The following TANC2 variants were observed in gnomAD, a reference collection of about 807,000 sequenced individuals.
TANC2 encodes tetratricopeptide repeat, ankyrin repeat and coiled-coil containing 2.
A neutral mutation model predicts 210.5 loss-of-function variants in TANC2; 26 were observed. The ratio of observed to expected loss-of-function variants is 0.12; its 90% CI spans 0.09 to 0.17. The LOEUF (loss-of-function observed/expected upper bound fraction) is 0.17. Ranked by LOEUF, TANC2 falls within the 10% of genes least tolerant of loss-of-function variation. The pLI is 1.00. For missense variants in TANC2, 2,129 were observed against 2,608.9 expected (o/e 0.82, Z 4.01); for synonymous variants, 931 against 967.1 (o/e 0.96, Z 0.69).
chr17:63,389,672 A>C (rs746453846), intron 17 of TANC2, 128 bp downstream of exon 17: 16 of 922,878 alleles, frequency 1.7e-5, no homozygotes, highest in Non-Finnish European at 2.7e-5. Context: ...AGAGGAGATC[A>C]GAGAGAGTGC....
At chr17:63,289,269 T>TTTTTCTC (rs1364084474) in intron 9 of TANC2, among the ~76,000 whole-genome samples, 1 of 152,180 alleles carries the variant, frequency 6.6e-6, no homozygotes, top group Non-Finnish European at 1.5e-5. Flanking sequence ...ATTCTGTTCC[T>TTTTTCTC]TTTTCTCTTT....
At chr17:63,215,025 C>T (rs976880628) in intron 7 of TANC2, among the ~76,000 whole-genome samples, 3 of 152,132 alleles carry the variant, frequency 2.0e-5, no homozygotes, top group African/African-American at 7.2e-5. Flanking sequence ...GTCCTAGAGA[C>T]CATAATGCAT....
intron 7 of TANC2, among the ~76,000 whole-genome samples, chr17:63,233,869 G>T (rs1300931451): frequency 6.6e-6 from 1 of 152,160 alleles, no homozygotes; most frequent in Non-Finnish European, 1.5e-5. Flanking sequence ...ACTCAACTTG[G>T]TCGACAAGAG....
At chr17:63,013,878 C>T (rs930478847) in intron 2 of TANC2, among the ~76,000 whole-genome samples, 3 of 151,440 alleles carry the variant, frequency 2.0e-5, no homozygotes, top group Admixed American at 2.0e-4. Flanking sequence ...AAACTATTAC[C>T]CATTATGTCT....
intron 8 of TANC2, among the ~76,000 whole-genome samples, chr17:63,253,230 T>C (rs1428887409): frequency 1.3e-5 from 2 of 152,248 alleles, no homozygotes; most frequent in African/African-American, 4.8e-5. Flanking sequence ...ATATGCCTGT[T>C]TGCCATTTGT....
At chr17:63,093,802 C>G (rs1022510424) in intron 3 of TANC2, among the ~76,000 whole-genome samples, 5 of 151,982 alleles carry the variant, frequency 3.3e-5, no homozygotes, top group African/African-American at 1.2e-4. Flanking sequence ...TTTTTAGAGA[C>G]AGTATCTCAC....
intron 8 of TANC2, among the ~76,000 whole-genome samples, chr17:63,239,417 G>C (rs2042713985): frequency 6.6e-6 from 1 of 152,150 alleles, no homozygotes. Flanking sequence ...GACCTGGATA[G>C]ATTATCTCAC....
At chr17:63,410,065 G>A (rs995950486) in intron 21 of TANC2, among the ~76,000 whole-genome samples, 1 of 152,054 alleles carries the variant, frequency 6.6e-6, no homozygotes, top group Admixed American at 6.5e-5. Context: ...TTCAGATGAG[G>A]GATACTCAAG....
intron 1 of TANC2, among the ~76,000 whole-genome samples, chr17:62,989,884 C>T (rs949953239): frequency 2.0e-5 from 3 of 149,774 alleles, no homozygotes; most frequent in African/African-American, 7.4e-5. Context: ...GATTCTTCTG[C>T]CTCAGCCTCC....
chr17:63,314,213 G>A (rs1420140507), intron 9 of TANC2, among the ~76,000 whole-genome samples, 175 bp from the exon 10 acceptor site: 9 of 152,106 alleles, frequency 5.9e-5, no homozygotes, highest in Admixed American at 6.5e-5. Flanking sequence ...GCTCTAGCTC[G>A]CCTGTGTTGC....
At chr17:63,113,439 T>TA (rs1344421590) in intron 4 of TANC2, among the ~76,000 whole-genome samples, 1 of 152,196 alleles carries the variant, frequency 6.6e-6, no homozygotes, top group Non-Finnish European at 1.5e-5. Context: ...TGCGCATCCT[T>TA]ACCTTGTCCG....
rs2049029308 is a variant in TANC2 at position 63,421,709 on chromosome 17, A to C, written c.5979A>C (p.Ala1993=). ...CCTTTTATAACAAAACCAACAATGC[A>C]CAGAATGGCCATTTGCTGGAGGACG... is the stretch of plus-strand genomic sequence containing the variant. The change falls in exon 28 of 28, where the codon GCA becomes GCC. Residue 1993 remains alanine (A), a synonymous_variant. Coordinates refer to ENST00000689528, the Ensembl canonical transcript of TANC2. The surrounding 1 kb of genome is among the most constrained non-coding windows in gnomAD (Gnocchi z 6.9). 1 of 1,614,076 alleles carries C rather than the reference A, an allele frequency of 6.2e-7. No homozygotes were observed. The highest frequency in any genetic ancestry group is 8.5e-7 in the Non-Finnish European group (1 of 1,179,906).
intron 11 of TANC2, among the ~76,000 whole-genome samples, chr17:63,330,315 C>T (rs1285924956): frequency 1.3e-5 from 2 of 152,174 alleles, no homozygotes; most frequent in African/African-American, 4.8e-5. Context: ...GATACACGAG[C>T]TGTAGCAAGT....
rs772350841 is a variant in TANC2 at position 63,420,808 on chromosome 17, A to C, written c.5078A>C (p.Lys1693Thr). 1 of 1,614,024 alleles carries C rather than the reference A, an allele frequency of 6.2e-7. No individual in the cohort carries two copies. Among genetic ancestry groups the C allele is most frequent in the Non-Finnish European group, 8.5e-7 (1 of 1,179,876 alleles). The change falls in exon 28 of 28, where the codon AAG becomes ACG. Residue 1693 changes from lysine (K) to threonine (T), a missense_variant. By Grantham distance (78) the Lys-to-Thr change is moderately conservative. Coordinates refer to ENST00000689528, the Ensembl canonical transcript of TANC2. This position sits in a 1 kb window ranked among gnomAD's most constrained non-coding sequence, Gnocchi z 4.2. ...CAAGGGCTCAGGCTACAGCCTGCCA[A>C]GGCCCAGATTGTGAGAAGTAACCAG...
At chr17:63,210,545 A>C (rs1008267934) in intron 7 of TANC2, among the ~76,000 whole-genome samples, 1 of 152,032 alleles carries the variant, frequency 6.6e-6, no homozygotes, top group Non-Finnish European at 1.5e-5. Context: ...CCTACTTTTT[A>C]TTTACTCTCG....
chr17:63,092,695 T>G (rs1598387278), intron 3 of TANC2, among the ~76,000 whole-genome samples: 1 of 150,940 alleles, frequency 6.6e-6, no homozygotes, highest in African/African-American at 2.4e-5. Flanking sequence ...TGGAGGGAGG[T>G]GATACATACT....
In TANC2 at chr17:63,421,291, G is replaced by A; in HGVS notation, c.5561G>A (p.Arg1854Lys). 1.2e-6 allele frequency: 2 copies of A among 1,613,996 alleles called. No homozygotes were observed. The highest frequency in any genetic ancestry group is 8.5e-7 in the Non-Finnish European group (1 of 1,179,894). Reference sequence around the variant, plus strand: ...ATCAAACCGCACCCGCCAACTCCCAGGCCGTTGCTGCATTCCCAAAGTGTA... The same window carrying A: ...ATCAAACCGCACCCGCCAACTCCCAAGCCGTTGCTGCATTCCCAAAGTGTA... The change falls in exon 28 of 28, where the codon AGG (arginine) becomes AAG (lysine). Residue 1854 changes from arginine to lysine, a missense_variant. Transcript: ENST00000689528. This position sits in a 1 kb window ranked among gnomAD's most constrained non-coding sequence, Gnocchi z 6.9.
intron 4 of TANC2, chr17:63,149,066 G>A (rs2039557977): frequency 1.3e-5 from 2 of 152,118 alleles, no homozygotes; most frequent in Non-Finnish European, 2.9e-5. Flanking sequence ...AGAATTAAAT[G>A]TCTCCTGTGA....
chr17:63,212,314 G>A (rs750103471), intron 7 of TANC2, among the ~76,000 whole-genome samples: 30 of 152,100 alleles, frequency 2.0e-4, no homozygotes, highest in African/African-American at 6.8e-4. Flanking sequence ...TTGGTAAAAC[G>A]ACTTTCATAA....
Sources: gnomAD v4.1 joint callset for allele counts (sites outside exome capture counted in the v4.1 genomes callset) on GRCh38, gnomAD v4.1.1 for gene constraint, Gnocchi (gnomAD v3.1) non-coding constraint, MANE v1.5 for transcripts, NCBI Gene and HGNC (gene_info 2026-07-23, HGNC 2026-07-21) for gene names.